Variants in CCDC13 observed in about 807,000 individuals in gnomAD.
CCDC13 encodes the protein coiled-coil domain containing 13.
A neutral mutation model predicts 87.3 loss-of-function variants in CCDC13; 70 were observed. That is an observed-to-expected ratio of 0.80 (90% CI 0.66 to 0.98). The LOEUF (loss-of-function observed/expected upper bound fraction) is 0.98. CCDC13 is among the 50% of genes least tolerant of loss of function. The probability of loss-of-function intolerance (pLI) is 0.00; values close to 1 mark genes in which losing one functional copy is unlikely to be tolerated. For missense variants in CCDC13, 842 were observed against 892.0 expected (o/e 0.94, Z 0.71); for synonymous variants, 317 against 360.3 (o/e 0.88, Z 1.36).
chr3:42,759,333 T>C (rs1311216471), intron 1 of CCDC13, among the ~76,000 whole-genome samples: 3 of 151,876 alleles, frequency 2.0e-5, no homozygotes. Context: ...ACAAATTTTA[T>C]GTGTACAAAT....
At chr3:42,710,361 C>G (rs1469496044) in intron 14 of CCDC13, among the ~76,000 whole-genome samples, 1 of 152,102 alleles carries the variant, frequency 6.6e-6, no homozygotes, top group Middle Eastern at 3.2e-3. Context: ...CATGCCCAGC[C>G]TGGTAATTTG....
downstream of CCDC13, among the ~76,000 whole-genome samples, chr3:42,705,509 G>T (rs945399991): frequency 6.6e-6 from 1 of 152,206 alleles, no homozygotes; most frequent in African/African-American, 2.4e-5. Context: ...TGCAGCACCT[G>T]CCTGGGGTGT....
intron 1 of CCDC13, among the ~76,000 whole-genome samples, chr3:42,765,836 T>C (rs1004199847): frequency 2.0e-5 from 3 of 152,130 alleles, no homozygotes; most frequent in Non-Finnish European, 4.4e-5. Context: ...AGGTTCAGAA[T>C]GGCCAGAGGG....
chr3:42,721,453 A>G (rs1410017108), intron 13 of CCDC13, among the ~76,000 whole-genome samples: 1 of 152,278 alleles, frequency 6.6e-6, no homozygotes, highest in Non-Finnish European at 1.5e-5. Flanking sequence ...AACTGCATGT[A>G]CTAAACTGAA....
At position 42,709,783 on chromosome 3, in the gene CCDC13, T is replaced by A; in HGVS notation, c.1889A>T (p.Asn630Ile). 2 of 1,614,110 alleles carry A rather than the reference T, an allele frequency of 1.2e-6. No individual in the cohort carries two copies. Among genetic ancestry groups the A allele is most frequent in the South Asian group, 2.2e-5 (2 of 91,090 alleles). Reference protein sequence around the residue: ...PRTKTGLPTSNNRHNPTGSEK... With the variant: ...PRTKTGLPTSINRHNPTGSEK... ...GCTCCCGGTTGGGTTGTGCCTGTTG[T>A]TAGAGGTGGGCAGACCTGTGGGGCA... Residue 630 changes from asparagine (N) to isoleucine (I), a missense_variant, in exon 15 of 16, where the codon AAC becomes ATC. Coordinates refer to ENST00000310232, the MANE Select transcript of CCDC13 (RefSeq NM_144719.4).
At chr3:42,744,049 T>A (rs1175107929) in intron 7 of CCDC13, among the ~76,000 whole-genome samples, 1 of 152,172 alleles carries the variant, frequency 6.6e-6, no homozygotes, top group African/African-American at 2.4e-5. Context: ...CCTCTGAGGT[T>A]CTTCTTGGAC....
chr3:42,720,051 C>A (rs766316571), intron 13 of CCDC13, among the ~76,000 whole-genome samples: 1 of 152,076 alleles, frequency 6.6e-6, no homozygotes, highest in Admixed American at 6.5e-5. Flanking sequence ...TTACTAAATT[C>A]TTTAAGATCA....
intron 1 of CCDC13, among the ~76,000 whole-genome samples, chr3:42,762,941 T>G (rs905978278): frequency 3.3e-5 from 5 of 152,080 alleles, no homozygotes; most frequent in African/African-American, 1.2e-4. Flanking sequence ...AGTCAGACCC[T>G]GTCTCCAAAA....
At chr3:42,770,484 C>A (rs1054776890) in intron 1 of CCDC13, 1 of 152,192 alleles carries the variant, frequency 6.6e-6, no homozygotes, top group Non-Finnish European at 1.5e-5. Flanking sequence ...CCTGTCAAAA[C>A]GGACCAATCA....
At position 42,748,917 on chromosome 3, in the gene CCDC13, G is replaced by A. The variant is rs372847371; in HGVS notation, c.604-1544C>T. ...ATTACAGGTGCCCACCACCATGCCT[G>A]GCTAATTTTTGTATATTTTTTAGTA... is the stretch of plus-strand genomic sequence containing the variant. On this transcript the variant is annotated intron_variant, in intron 5 of 15. Transcript: ENST00000310232. Among the ~76,000 whole-genome samples, 69 of 152,114 alleles carry A rather than the reference G, an allele frequency of 4.5e-4. No homozygotes were observed. The East Asian group carries it at 0.013, about 29-fold the overall frequency.
At chr3:42,732,835 GCAAT>G in intron 12 of CCDC13, 48 bp downstream of exon 12, 3 of 1,460,996 alleles carry the variant, frequency 2.1e-6, no homozygotes, top group Non-Finnish European at 2.8e-6. Flanking sequence ...TACTGGTTGA[GCAAT>G]CAAGAATGGG....
intron 15 of CCDC13, 68 bp downstream of exon 15, chr3:42,709,616 C>T: frequency 8.1e-7 from 1 of 1,236,276 alleles, no homozygotes; most frequent in Non-Finnish European, 1.2e-6. Context: ...GGACACAGTC[C>T]CTCTGCCCAT....
intron 11 of CCDC13, 64 bp from the exon 12 acceptor site, chr3:42,733,034 C>T: frequency 7.2e-7 from 1 of 1,381,642 alleles, no homozygotes; most frequent in Non-Finnish European, 1.0e-6. Context: ...TGGGCCTCAC[C>T]TCTGCATGTG....
chr3:42,735,664 C>T (rs1698984899), intron 10 of CCDC13, 43 bp downstream of exon 10: 5 of 1,594,224 alleles, frequency 3.1e-6, no homozygotes, highest in Non-Finnish European at 4.3e-6. Context: ...ATGGACTTGC[C>T]CGGCTTGAAA....
rs77872543 is a variant in CCDC13, at chr3:42,760,090, G to A, written c.-6-1739C>T. Among the ~76,000 whole-genome samples the A allele has an allele frequency of 0.012, 1,817 of 152,098 alleles. 108 individuals carry two copies. The East Asian group carries it at 0.18, about 15-fold the overall frequency. On this transcript the variant is annotated intron_variant, in intron 1 of 15. Coordinates refer to ENST00000310232, the MANE Select transcript of CCDC13 (RefSeq NM_144719.4). ...GTGGATAAACTGAGGTCAGGAATTC[G>A]AGACTAGCCTGACCAACATGATGAA...
chr3:42,757,319 C>A, intron 2 of CCDC13, 105 bp from the exon 3 acceptor site: 1 of 1,069,070 alleles, frequency 9.4e-7, no homozygotes, highest in South Asian at 1.7e-5. Context: ...CAGATGCAGA[C>A]ACACTGACGT....
In CCDC13 at chr3:42,713,223, C is replaced by G; in HGVS notation, c.1812G>C (p.Lys604Asn). ...ATGCCTTCCCTGGCTCCAGGCGTAT[C>G]TTCTCCAGATGTTGCTCCAGCACCA... Reference protein sequence around the residue: ...RTVVLEQHLEKIRLEPGKASA... With the variant: ...RTVVLEQHLENIRLEPGKASA... The change falls in exon 14 of 16, where the codon AAG (lysine) becomes AAC (asparagine). Residue 604 changes from lysine (K) to asparagine (N), a missense_variant. Transcript: ENST00000310232. The G allele has an allele frequency of 6.2e-7, 1 of 1,614,234 alleles. No individual in the cohort carries two copies. Among genetic ancestry groups the G allele is most frequent in the Non-Finnish European group, 8.5e-7 (1 of 1,180,032 alleles).
At chr3:42,717,775 C>A (rs1169260861) in intron 13 of CCDC13, among the ~76,000 whole-genome samples, 1 of 151,980 alleles carries the variant, frequency 6.6e-6, no homozygotes, top group Non-Finnish European at 1.5e-5. Flanking sequence ...GAGTTGCTAT[C>A]TCATCTGATG....
chr3:42,709,657 T>C, intron 15 of CCDC13, 27 bp downstream of exon 15: 1 of 1,582,162 alleles, frequency 6.3e-7, no homozygotes, highest in South Asian at 1.1e-5. Flanking sequence ...AACCCTACCC[T>C]TTCAGGAAGG....
Sources: allele counts gnomAD v4.1 joint callset (sites outside exome capture counted in the v4.1 genomes callset), GRCh38; gene constraint gnomAD v4.1.1; transcripts MANE v1.5; gene names NCBI Gene and HGNC (gene_info 2026-07-23, HGNC 2026-07-21).